The following DACT2 variants were observed in gnomAD, a reference collection of about 807,000 sequenced individuals.
DACT2 encodes the protein dapper homolog 2.
A neutral mutation model predicts 22.2 loss-of-function variants in DACT2; 20 were observed. That is an observed-to-expected ratio of 0.90 (90% CI 0.63 to 1.31). DACT2 has a LOEUF of 1.31. Ranked by LOEUF, DACT2 falls within the 50% of genes most tolerant of loss-of-function variation. The probability of loss-of-function intolerance (pLI) is 0.00; values close to 1 mark genes in which losing one functional copy is unlikely to be tolerated. For synonymous variants in DACT2, 463 were observed against 479.8 expected, an observed-to-expected ratio of 0.96 and a Z score of 0.46; for missense variants, 1,048 against 1,061.4, an observed-to-expected ratio of 0.99 and a Z score of 0.18.
chr6:168,310,129 C>G, intron 3 of DACT2, 39 bp downstream of exon 3: 1 of 1,544,856 alleles, frequency 6.5e-7, no homozygotes, highest in Non-Finnish European at 8.7e-7. Context: ...ATCCCCTGTG[C>G]CTGAGATGAG....
Position 168,309,049 on chromosome 6 carries a change from G to A in DACT2, c.708C>T (p.Ser236=), listed in dbSNP as rs1375500903. ...GGAGCCCGAGGAGCTCGGCGTCCGC[G>A]CTGGCTTTCTGGAGCCCCGTGTCCG... ...LPADTGLQKA[S]ADAELLGLLC... Residue 236 remains serine, a synonymous_variant, in exon 4 of 4, where the codon AGC becomes AGT. Transcript: ENST00000366795. 1.7e-5 allele frequency: 26 copies of A among 1,541,446 alleles called. No individual in the cohort carries two copies. The highest frequency in any genetic ancestry group is 9.8e-5 in the Admixed American group (5 of 50,862).
downstream of DACT2, among the ~76,000 whole-genome samples, chr6:168,303,872 T>A (rs1779153483): frequency 6.6e-6 from 1 of 152,258 alleles, no homozygotes; most frequent in South Asian, 2.1e-4. Flanking sequence ...CACAAATTCT[T>A]ATAATTTAGA....
At chr6:168,293,734 T>C (rs1228261215) in exon 6 of DACT2, 1 of 645,514 alleles carries the variant, frequency 1.5e-6, no homozygotes, top group Non-Finnish European at 2.8e-6. Context: ...TGGACACTTC[T>C]CTGCAGCTCC....
chr6:168,294,589 A>ATATATATATATATATT, intron 4 of DACT2: 1 of 553,256 alleles, frequency 1.8e-6, no homozygotes, highest in Non-Finnish European at 2.6e-6. Context: ...ATATATATAT[A>ATATATATATATATATT]TATATATATA....
chr6:168,308,611 G>A lies in DACT2; in HGVS notation c.1146C>T (p.Phe382=), dbSNP rs1001511743. The stretch of plus-strand genomic sequence containing the variant: ...CTCCCTCGTCCTCCCTCCCTGGGGC[G>A]AAGACCAGCAGTCGCCCTCCACCGT... ...STDGGGRLLV[F]APGREDEGGP... The change falls in exon 4 of 4, where the codon TTC becomes TTT. Residue 382 remains phenylalanine, a synonymous_variant. Transcript: ENST00000366795. 9.1e-6 allele frequency: 14 copies of A among 1,545,370 alleles called. No homozygotes were observed. The highest frequency in any genetic ancestry group is 2.7e-5 in the African/African-American group (2 of 73,110).
intron 1 of DACT2, among the ~76,000 whole-genome samples, chr6:168,318,608 C>T (rs78478104): frequency 0.015 from 2,268 of 152,218 alleles, 56 homozygotes; most frequent in African/African-American, 0.052. Context: ...ACTACGAAAA[C>T]GCTTGTGAGT....
At chr6:168,316,417 G>T (rs9455625) in intron 1 of DACT2, among the ~76,000 whole-genome samples, 1,118 of 21,434 alleles carry the variant, frequency 0.052, 484 homozygotes, top group African/African-American at 0.18. Context: ...TGAGCTGAGG[G>T]CACGCAGAAG....
At position 168,319,533 on chromosome 6, in the gene DACT2, CCCTGCAGCT is replaced by C; in HGVS notation, c.92_100del (p.Glu31_Gln33del). On this transcript the variant is annotated inframe_deletion, in exon 1 of 4. Coordinates refer to ENST00000366795, the MANE Select transcript of DACT2 (RefSeq NM_214462.5). ...CCGCTCCTGCTGCGTGGCTCGCAGC[CCCTGCAGCT>C]CCTGCAGCCCCGCGAACGCCGCGCG... 7.3e-7 allele frequency: 1 copy of C among 1,371,154 alleles called. No homozygotes were observed. Among genetic ancestry groups the C allele is most frequent in the Non-Finnish European group, 9.5e-7 (1 of 1,053,910 alleles). 84.9% of individuals were successfully genotyped at this position (1,371,154 alleles called of 1,614,324 possible).
At chr6:168,301,924 C>T (rs184326171), downstream of DACT2, among the ~76,000 whole-genome samples, 14 of 152,222 alleles carry the variant, frequency 9.2e-5, no homozygotes, top group African/African-American at 2.7e-4. Flanking sequence ...GCTTCATTCC[C>T]GGCTCCGGGC....
Position 168,319,368 on chromosome 6 carries a change from TC to T in DACT2, c.246+19del. 8.4e-7 allele frequency: 1 copy of T among 1,196,040 alleles called. No homozygotes were observed. 74.1% of individuals were successfully genotyped at this position (1,196,040 alleles called of 1,614,324 possible). A position where few individuals can be genotyped will look rare whatever the true frequency, so the allele number is the denominator to read the frequency against. ...GGCCCGCACACCTCGCAGCCCCGAG[TC>T]CCGGCGCCCGGTCCTTACCAGCTGC... On this transcript the variant is annotated intron_variant, in intron 1 of 3. Coordinates refer to ENST00000366795, the MANE Select transcript of DACT2 (RefSeq NM_214462.5).
intron 1 of DACT2, among the ~76,000 whole-genome samples, chr6:168,314,025 C>T (rs1340188860): frequency 2.1e-5 from 3 of 139,846 alleles, no homozygotes; most frequent in East Asian, 4.0e-4. Flanking sequence ...CTTGTAACCC[C>T]GACCGCTGTC....
chr6:168,310,616 G>T (rs948071982), intron 2 of DACT2, among the ~76,000 whole-genome samples, 170 bp from the exon 3 acceptor site: 1 of 152,336 alleles, frequency 6.6e-6, no homozygotes, highest in Non-Finnish European at 1.5e-5. Flanking sequence ...GAGTGGCTCA[G>T]GTGAGAATGT....
chr6:168,305,197 C>T (rs903622503), downstream of DACT2, among the ~76,000 whole-genome samples: 7 of 152,176 alleles, frequency 4.6e-5, no homozygotes, highest in African/African-American at 2.4e-5. Context: ...TTCCTGCCCC[C>T]GATGCAACGG....
At chr6:168,293,955 C>A (rs531781422) in intron 5 of DACT2, 3 of 703,428 alleles carry the variant, frequency 4.3e-6, no homozygotes, top group African/African-American at 1.7e-5. Flanking sequence ...TAAGTGACGT[C>A]CCCAGGGATG....
chr6:168,302,297 C>T (rs1375599695), downstream of DACT2, among the ~76,000 whole-genome samples: 2 of 152,158 alleles, frequency 1.3e-5, no homozygotes, highest in African/African-American at 2.4e-5. Context: ...CCAGCTGGGC[C>T]CCCAAATGCA....
chr6:168,294,221 C>T, intron 4 of DACT2: 3 of 702,972 alleles, frequency 4.3e-6, no homozygotes, highest in Non-Finnish European at 7.8e-6. Context: ...AAGGCAATGC[C>T]ATCCTGAGAA....
chr6:168,292,948 C>A (rs141115845), exon 6 of DACT2: 1,785 of 152,234 alleles, frequency 0.012, 35 homozygotes, highest in African/African-American at 0.04. Flanking sequence ...AAAGAAATTT[C>A]ATAGGCCAAT....
At chr6:168,305,347 T>A (rs1271836036), downstream of DACT2, among the ~76,000 whole-genome samples, 1 of 147,474 alleles carries the variant, frequency 6.8e-6, no homozygotes, top group Non-Finnish European at 1.5e-5. Context: ...ACGCCTAGCT[T>A]TCTAAAAGAC....
In DACT2 at chr6:168,310,420, A is replaced by G. The variant is rs745324019; in HGVS notation, c.406T>C (p.Ser136Pro). The change falls in exon 3 of 4, where the codon TCC (serine) becomes CCC (proline). Residue 136 changes from serine (S) to proline (P), a missense_variant. Coordinates refer to ENST00000366795, the MANE Select transcript of DACT2 (RefSeq NM_214462.5). ...GCACAGGACGTGGACAGGGAGCAGG[A>G]TCCACCGTCGCTCATCTCGTAAAAG... ...SGFYEMSDGG[S>P]CSLSTSCASV... 13 of 1,551,014 alleles carry G rather than the reference A, an allele frequency of 8.4e-6. No homozygotes were observed. In the Middle Eastern group the frequency reaches 6.7e-4, roughly 80 times the overall value.
Sources: allele counts gnomAD v4.1 joint callset (sites outside exome capture counted in the v4.1 genomes callset), GRCh38; gene constraint gnomAD v4.1.1; transcripts MANE v1.5; gene names NCBI Gene and HGNC (gene_info 2026-07-23, HGNC 2026-07-21).